ITPR2: variants seen among roughly 807,000 people sequenced by gnomAD.
The protein encoded by ITPR2 is inositol 1,4,5-trisphosphate receptor type 2.
A neutral mutation model predicts 317.1 loss-of-function variants in ITPR2; 207 were observed. The ratio of observed to expected loss-of-function variants is 0.65; its 90% CI spans 0.58 to 0.73. The LOEUF (loss-of-function observed/expected upper bound fraction) is 0.73, where lower values mean the gene tolerates loss of function less well. ITPR2 is among the 30% of genes least tolerant of loss of function. The pLI, the probability that ITPR2 is intolerant of heterozygous loss-of-function variation, is 0.00. For missense variants in ITPR2, 2,613 were observed against 3,284.0 expected, an observed-to-expected ratio of 0.80 and a Z score of 4.99; for synonymous variants, 1,156 against 1,149.1, an observed-to-expected ratio of 1.01 and a Z score of -0.12.
At chr12:26,510,464 C>T (rs191821543) in intron 37 of ITPR2, among the ~76,000 whole-genome samples, 7 of 152,306 alleles carry the variant, frequency 4.6e-5, no homozygotes, top group Admixed American at 1.3e-4. Flanking sequence ...TGACCACACA[C>T]CTGTTTACTT....
chr12:26,576,717 A>T (rs1046797141), intron 34 of ITPR2, among the ~76,000 whole-genome samples: 1 of 152,202 alleles, frequency 6.6e-6, no homozygotes, highest in African/African-American at 2.4e-5. Context: ...GGAGTGGCCC[A>T]GGATAGAGAG....
At chr12:26,424,872 G>T (rs1038432035) in intron 49 of ITPR2, among the ~76,000 whole-genome samples, 1 of 152,078 alleles carries the variant, frequency 6.6e-6, no homozygotes, top group African/African-American at 2.4e-5. Context: ...CGATTCTCTG[G>T]CCTCAGCCTC....
At chr12:26,347,849 T>C (rs1383184097) in intron 55 of ITPR2, among the ~76,000 whole-genome samples, 1 of 152,222 alleles carries the variant, frequency 6.6e-6, no homozygotes, top group Non-Finnish European at 1.5e-5. Flanking sequence ...ACAGTTGACA[T>C]TCACTGTGAT....
chr12:26,725,776 C>T lies in ITPR2; in HGVS notation c.164-11G>A, dbSNP rs373307500. 19 of 1,560,854 alleles carry T rather than the reference C, an allele frequency of 1.2e-5. No homozygotes were observed. The African/African-American group carries it at 1.5e-4, about 12-fold the overall frequency. On this transcript the variant is annotated splice_polypyrimidine_tract_variant and intron_variant, in intron 2 of 56. Transcript: ENST00000381340. The stretch of plus-strand genomic sequence containing the variant: ...CCTTGAAAAGGCAGTCTGTGACAAA[C>T]CAACATACAAAAACACTGTAACTAA...
intron 26 of ITPR2, among the ~76,000 whole-genome samples, 194 bp from the exon 27 acceptor site, chr12:26,602,900 C>T (rs899601078): frequency 1.3e-5 from 2 of 152,104 alleles, no homozygotes; most frequent in Non-Finnish European, 2.9e-5. Flanking sequence ...ATTACCGCTA[C>T]CCAGTGAGAA....
chr12:26,677,354 C>T (rs1432086321), intron 13 of ITPR2, among the ~76,000 whole-genome samples: 1 of 152,188 alleles, frequency 6.6e-6, no homozygotes, highest in African/African-American at 2.4e-5. Context: ...AATCTCAGCA[C>T]TTTGGGAGGC....
intron 5 of ITPR2, chr12:26,721,440 G>A: frequency 4.6e-6 from 2 of 434,742 alleles, no homozygotes; most frequent in Non-Finnish European, 8.2e-6. Context: ...CATTTAAAAT[G>A]TAATCAAAGT....
intron 39 of ITPR2, 52 bp from the exon 40 acceptor site, chr12:26,487,303 G>T: frequency 7.5e-7 from 1 of 1,342,126 alleles, no homozygotes; most frequent in Non-Finnish European, 1.0e-6. Context: ...GACAAATGGT[G>T]TTTTTATGCT....
At chr12:26,410,868 T>G (rs964778557) in intron 52 of ITPR2, among the ~76,000 whole-genome samples, 2 of 152,130 alleles carry the variant, frequency 1.3e-5, no homozygotes, top group Non-Finnish European at 2.9e-5. Context: ...GAGAGAGAGA[T>G]AGGCAGGCAA....
intron 43 of ITPR2, 87 bp from the exon 44 acceptor site, chr12:26,477,094 A>G: frequency 3.7e-6 from 3 of 801,330 alleles, no homozygotes; most frequent in Non-Finnish European, 6.2e-6. Context: ...TGAGATTACT[A>G]GGACCTTTTT....
chr12:26,832,093 A>C (rs948328060), intron 1 of ITPR2, among the ~76,000 whole-genome samples: 2 of 152,104 alleles, frequency 1.3e-5, no homozygotes. Context: ...ACAGCGCTGC[A>C]GATGCCCCTA....
At chr12:26,682,866 G>GA (rs2136963254) in intron 11 of ITPR2, among the ~76,000 whole-genome samples, 193 bp from the exon 12 acceptor site, 1 of 152,342 alleles carries the variant, frequency 6.6e-6, no homozygotes, top group East Asian at 1.9e-4. Context: ...TACCTAGGTA[G>GA]TAGTTCTCAA....
At chr12:26,616,723 G>A (rs747486264) in intron 26 of ITPR2, among the ~76,000 whole-genome samples, 132 of 151,902 alleles carry the variant, frequency 8.7e-4, no homozygotes, top group Non-Finnish European at 1.4e-3. Context: ...TAAAATTCAG[G>A]TGACCTTGAA....
chr12:26,666,364 T>C (rs1947632914), intron 13 of ITPR2, among the ~76,000 whole-genome samples: 1 of 152,188 alleles, frequency 6.6e-6, no homozygotes, highest in African/African-American at 2.4e-5. Context: ...CAATCTCTAC[T>C]TGCGCCTCCA....
intron 21 of ITPR2, among the ~76,000 whole-genome samples, 169 bp downstream of exon 21, chr12:26,653,807 G>A (rs925419674): frequency 6.6e-6 from 1 of 152,192 alleles, no homozygotes; most frequent in Non-Finnish European, 1.5e-5. Flanking sequence ...AAACAGAGAT[G>A]CATGTTTGTA....
rs565680639 is a variant in ITPR2 at position 26,431,346 on chromosome 12, G to A, written c.6770-3258C>T. Among the ~76,000 whole-genome samples the A allele has an allele frequency of 5.9e-5, 9 of 152,272 alleles. No individual in the cohort carries two copies. In the South Asian group the frequency reaches 1.9e-3, roughly 32 times the overall value. On this transcript the variant is annotated intron_variant, in intron 48 of 56. Coordinates refer to ENST00000381340, the MANE Select transcript of ITPR2 (RefSeq NM_002223.4). ...GAAATCCTGGGTAGGGATATCTGGC[G>A]TGGCAGCTGTCAGCTTCTGAGTGGA...
chr12:26,483,829 A>C lies in ITPR2; in HGVS notation c.5881T>G (p.Cys1961Gly). The change falls in exon 42 of 57, where the codon TGC becomes GGC. Residue 1961 changes from cysteine to glycine, a missense_variant. By Grantham distance (159) the Cys-to-Gly change is radical. Coordinates refer to ENST00000381340, the MANE Select transcript of ITPR2 (RefSeq NM_002223.4). ...CCACCGGTTGTACTTCCACAAATGC[A>C]GTCCAGAAACTGAAGGGTCTCACAG... ...LVCETLQFLD[C>G]ICGSTTGGLG... is the part of the protein sequence containing the mutation. The C allele has an allele frequency of 1.2e-6, 2 of 1,614,194 alleles. No homozygotes were observed. Among genetic ancestry groups the C allele is most frequent in the East Asian group, 2.2e-5 (1 of 44,888 alleles).
intron 26 of ITPR2, among the ~76,000 whole-genome samples, chr12:26,617,730 G>C (rs1484003084): frequency 1.1e-5 from 1 of 92,000 alleles, no homozygotes; most frequent in Admixed American, 1.3e-4. Flanking sequence ...GAGGAAGGGA[G>C]GGAGGGAGGG....
At chr12:26,484,456 T>A (rs189470900) in intron 41 of ITPR2, among the ~76,000 whole-genome samples, 1 of 152,028 alleles carries the variant, frequency 6.6e-6, no homozygotes, top group Non-Finnish European at 1.5e-5. Context: ...TCTAAAAAAG[T>A]TTTTCTAGAT....
Sources: gnomAD v4.1 joint callset for allele counts (sites outside exome capture counted in the v4.1 genomes callset) on GRCh38, gnomAD v4.1.1 for gene constraint, MANE v1.5 for transcripts, NCBI Gene and HGNC (gene_info 2026-07-23, HGNC 2026-07-21) for gene names.